Variants in HNRNPM observed in about 807,000 individuals in gnomAD.
The protein encoded by HNRNPM is CEA receptor.
A neutral mutation model predicts 73.1 loss-of-function variants in HNRNPM; 11 were observed. That is an observed-to-expected ratio of 0.15 (90% CI 0.09 to 0.25). The LOEUF is 0.25. Among genes scored for constraint, HNRNPM ranks in the 10% least tolerant of loss-of-function variants. HNRNPM has a pLI of 1.00. For missense variants in HNRNPM, 789 were observed against 1,067.9 expected, an observed-to-expected ratio of 0.74 and a Z score of 3.64; for synonymous variants, 407 against 355.2, an observed-to-expected ratio of 1.15 and a Z score of -1.64.
At chr19:8,480,048 C>T (rs938327233) in intron 12 of HNRNPM, among the ~76,000 whole-genome samples, 5 of 142,472 alleles carry the variant, frequency 3.5e-5, no homozygotes, top group African/African-American at 7.7e-5. Flanking sequence ...GCTGGGATTA[C>T]AGGCATGAGC....
chr19:8,485,158 G>C (rs1348110394), intron 13 of HNRNPM, among the ~76,000 whole-genome samples: 2 of 152,036 alleles, frequency 1.3e-5, no homozygotes, highest in Non-Finnish European at 2.9e-5. Flanking sequence ...GGGAGGGGAA[G>C]GTGGGAGTGA....
intron 9 of HNRNPM, among the ~76,000 whole-genome samples, chr19:8,469,035 C>T (rs1969954242): frequency 6.6e-6 from 1 of 152,024 alleles, no homozygotes; most frequent in Non-Finnish European, 1.5e-5. Flanking sequence ...TCATGGTAAT[C>T]CTAGGATTGT....
intron 11 of HNRNPM, 90 bp from the exon 12 acceptor site, chr19:8,474,077 C>T (rs761457601): frequency 4.7e-5 from 42 of 900,444 alleles, no homozygotes; most frequent in Admixed American, 8.4e-5. Context: ...CAGAAGATAC[C>T]CCAGTTGAAA....
In HNRNPM at chr19:8,486,117, G is replaced by C. The variant is rs1476256807; in HGVS notation, c.1689G>C (p.Leu563=). Residue 563 remains leucine (L), a synonymous_variant, in exon 14 of 16, where the codon CTG becomes CTC. Coordinates refer to ENST00000325495, the MANE Select transcript of HNRNPM (RefSeq NM_005968.5). ...TGGAGCGCATGGGCGCCAACAATCTGGAGCGGATGGGCCTGGAGCGCATGG... is the reference window on the plus strand; with the variant it reads ...TGGAGCGCATGGGCGCCAACAATCTCGAGCGGATGGGCCTGGAGCGCATGG... ...TGLERMGANN[L]ERMGLERMGA... 8 of 1,606,176 alleles carry C rather than the reference G, an allele frequency of 5.0e-6. No homozygotes were observed. The highest frequency in any genetic ancestry group is 6.8e-6 in the Non-Finnish European group (8 of 1,179,438).
intron 1 of HNRNPM, among the ~76,000 whole-genome samples, chr19:8,449,292 A>G (rs940961037): frequency 4.0e-5 from 6 of 151,794 alleles, no homozygotes; most frequent in Admixed American, 2.6e-4. Flanking sequence ...TTTTTTTGGG[A>G]GGGGGGGTTC....
At chr19:8,466,500 A>AC in intron 7 of HNRNPM, 112 bp downstream of exon 7, 1 of 1,055,264 alleles carries the variant, frequency 9.5e-7, no homozygotes, top group Non-Finnish European at 1.5e-6. Flanking sequence ...TTTTTATGTG[A>AC]CTAGGGGGAG....
At chr19:8,480,386 A>G (rs1470709466) in intron 12 of HNRNPM, among the ~76,000 whole-genome samples, 1 of 146,626 alleles carries the variant, frequency 6.8e-6, no homozygotes, top group East Asian at 2.1e-4. Flanking sequence ...ATTTGCCTGC[A>G]AATACTAATT....
intron 12 of HNRNPM, chr19:8,482,955 G>A (rs1731065077): frequency 1.8e-6 from 1 of 547,150 alleles, no homozygotes; most frequent in Admixed American, 3.5e-5. Flanking sequence ...GGAGCTACGT[G>A]GGGTCTTGGC....
chr19:8,455,571 A>G lies in HNRNPM; in HGVS notation c.280A>G (p.Lys94Glu). Residue 94 changes from lysine to glutamate, a missense_variant, in exon 2 of 16, where the codon AAA becomes GAA. By Grantham distance (56) the Lys-to-Glu change is moderately conservative. Transcript: ENST00000325495. The part of the protein sequence containing the change: ...WQSLKDLVKE[K>E]VGEVTYVELL... Reference sequence around the variant, plus strand: ...GTCACTTAAAGACCTGGTTAAAGAAAAAGGTAATGGTACTGGTGATTGAGT... The same window carrying G: ...GTCACTTAAAGACCTGGTTAAAGAAGAAGGTAATGGTACTGGTGATTGAGT... The G allele has an allele frequency of 6.2e-7, 1 of 1,612,232 alleles. No individual in the cohort carries two copies. The highest frequency in any genetic ancestry group is 1.1e-5 in the South Asian group (1 of 91,010).
intron 2 of HNRNPM, among the ~76,000 whole-genome samples, chr19:8,457,043 C>T (rs879411340): frequency 5.3e-5 from 8 of 152,134 alleles, no homozygotes; most frequent in African/African-American, 1.7e-4. Context: ...TTTGTGTTCT[C>T]GTGATTTGGT....
rs1052364675 is a variant in HNRNPM at position 8,466,566 on chromosome 19, G to A, written c.784+178G>A. Among the ~76,000 whole-genome samples, 24 of 152,234 alleles carry A rather than the reference G, an allele frequency of 1.6e-4. 1 individual carries two copies. The East Asian group carries it at 4.4e-3, about 28-fold the overall frequency. ...GGCCGGACCGGTCACGGTGGCTCAC[G>A]CCTGTAATCCCAGCACTTCGGGAGG... On this transcript the variant is annotated intron_variant, in intron 7 of 15. Transcript: ENST00000325495.
chr19:8,473,429 C>G (rs1374578392), intron 10 of HNRNPM, among the ~76,000 whole-genome samples: 1 of 151,484 alleles, frequency 6.6e-6, no homozygotes, highest in Admixed American at 6.6e-5. Flanking sequence ...CCATTGCATT[C>G]CAGCCTGGGT....
chr19:8,477,660 C>CAAAAAAAAAAAAA (rs35193948), intron 12 of HNRNPM, among the ~76,000 whole-genome samples: 4 of 117,092 alleles, frequency 3.4e-5, no homozygotes, highest in African/African-American at 1.1e-4. Context: ...AACCCTGTCT[C>CAAAAAAAAAAAAA]AAAAAAAAAA....
intron 12 of HNRNPM, among the ~76,000 whole-genome samples, chr19:8,479,659 A>G (rs1599838693): frequency 6.7e-6 from 1 of 149,302 alleles, no homozygotes; most frequent in East Asian, 2.0e-4. Flanking sequence ...GCCCAGGCTT[A>G]TTACAAATTC....
intron 6 of HNRNPM, 92 bp downstream of exon 6, chr19:8,465,607 G>T: frequency 1.1e-6 from 1 of 884,250 alleles, no homozygotes; most frequent in Non-Finnish European, 1.7e-6. Context: ...TCACATTTGA[G>T]AAGAAAAATG....
chr19:8,474,106 T>C (rs1970341566), intron 11 of HNRNPM, 61 bp from the exon 12 acceptor site: 1 of 1,241,598 alleles, frequency 8.1e-7, no homozygotes, highest in Non-Finnish European at 1.1e-6. Context: ...AGAATTTTTC[T>C]TTCCCTGCTT....
At chr19:8,483,582 G>A in intron 13 of HNRNPM, among the ~76,000 whole-genome samples, 1 of 152,100 alleles carries the variant, frequency 6.6e-6, no homozygotes. Context: ...CCTTAGACTT[G>A]ATGATAAGAC....
rs1175164635 is a variant in HNRNPM, at chr19:8,483,239, T to C, written c.1174+28T>C. 8 of 1,581,812 alleles carry C rather than the reference T, an allele frequency of 5.1e-6. No homozygotes were observed. The South Asian group carries it at 7.8e-5, about 15-fold the overall frequency. ...AGGAACCGCTTAGTTTGATGTTTTG[T>C]TTTTTTAGAACAGGCTGTTATCGCT... On this transcript the variant is annotated intron_variant, in intron 13 of 15. Transcript: ENST00000325495.
chr19:8,472,090 G>A (rs113483012), intron 10 of HNRNPM, among the ~76,000 whole-genome samples: 2,528 of 150,214 alleles, frequency 0.017, 42 homozygotes, highest in African/African-American at 0.036. Context: ...AGAATTGCTT[G>A]AACCCGGGAG....
Sources: gnomAD v4.1 joint callset for allele counts (sites outside exome capture counted in the v4.1 genomes callset) on GRCh38, gnomAD v4.1.1 for gene constraint, MANE v1.5 for transcripts, NCBI Gene and HGNC (gene_info 2026-07-23, HGNC 2026-07-21) for gene names.